The following USP12 variants were observed in gnomAD, a reference collection of about 807,000 sequenced individuals.
USP12 encodes ubiquitin carboxyl-terminal hydrolase 12.
Under a neutral mutation model 45.5 loss-of-function variants are expected in USP12, and 19 were observed. The observed-to-expected ratio is 0.42, with a 90% confidence interval of 0.29 to 0.61. USP12 has a LOEUF of 0.61. USP12 is among the 20% of genes least tolerant of loss of function. The pLI, the probability that USP12 is intolerant of heterozygous loss-of-function variation, is 0.22. For synonymous variants in USP12, 149 were observed against 148.8 expected (o/e 1.00, Z -0.01); for missense variants, 242 against 447.7 (o/e 0.54, Z 4.15).
chr13:27,157,402 T>A (rs894028419), intron 1 of USP12, among the ~76,000 whole-genome samples: 6 of 152,218 alleles, frequency 3.9e-5, no homozygotes, highest in African/African-American at 1.2e-4. Flanking sequence ...AAAAAGTGGA[T>A]GTTCTAGGTA....
At chr13:27,098,879 A>G (rs904845387) in intron 3 of USP12, among the ~76,000 whole-genome samples, 1 of 152,220 alleles carries the variant, frequency 6.6e-6, no homozygotes, top group Admixed American at 6.5e-5. Context: ...TTAACATGGC[A>G]AAACTTCCAA....
intron 1 of USP12, among the ~76,000 whole-genome samples, chr13:27,136,430 G>A (rs1177047239): frequency 2.0e-5 from 3 of 152,218 alleles, no homozygotes; most frequent in East Asian, 3.9e-4. Context: ...CCGGGGAGGC[G>A]GAGGTTGCAG....
At chr13:27,106,455 G>C (rs1168133930) in intron 2 of USP12, among the ~76,000 whole-genome samples, 1 of 152,108 alleles carries the variant, frequency 6.6e-6, no homozygotes, top group Non-Finnish European at 1.5e-5. Flanking sequence ...ATGACACACA[G>C]TTTCATAAAT....
chr13:27,162,895 G>A (rs561486761), intron 1 of USP12: 2 of 152,002 alleles, frequency 1.3e-5, no homozygotes, highest in Non-Finnish European at 2.9e-5. Context: ...CTGCTGCTAC[G>A]GAAGCAAGAA....
In USP12 at chr13:27,129,543, G is replaced by C. The variant is rs916929864; in HGVS notation, c.49-12947C>G. 6.6e-6 allele frequency among the ~76,000 whole-genome samples: 1 copy of C among 152,132 alleles called. No homozygotes were observed. The highest frequency in any genetic ancestry group is 1.5e-5 in the Non-Finnish European group (1 of 68,038). Reference sequence around the variant, plus strand: ...GTTCTAGAGAAGGCTGGGCAACATAGCAAGACTCTGTCTCTACAGAGGATG... The same window carrying C: ...GTTCTAGAGAAGGCTGGGCAACATACCAAGACTCTGTCTCTACAGAGGATG... On this transcript the variant is annotated intron_variant, in intron 1 of 8. Coordinates refer to ENST00000282344, the MANE Select transcript of USP12 (RefSeq NM_182488.4). The surrounding 1 kb of genome is among the most constrained non-coding windows in gnomAD (Gnocchi z 4.0).
chr13:27,132,597 T>C (rs939213090), intron 1 of USP12, among the ~76,000 whole-genome samples: 1 of 152,152 alleles, frequency 6.6e-6, no homozygotes, highest in Admixed American at 6.6e-5. Flanking sequence ...AGATGGTTAG[T>C]GTAAGTATCT....
rs140153708 is a variant in USP12, at chr13:27,090,855, C to T, written c.574-697G>A. ...TAATACATCAAAATTATTATTAGCA[C>T]ATAGAGTTGTTCATCGAACAACTCA... On this transcript the variant is annotated intron_variant, in intron 4 of 8. Coordinates refer to ENST00000282344, the MANE Select transcript of USP12 (RefSeq NM_182488.4). 3.9e-4 allele frequency among the ~76,000 whole-genome samples: 59 copies of T among 152,288 alleles called. 1 individual carries two copies. In the East Asian group the frequency reaches 4.6e-3, roughly 12 times the overall value.
At position 27,106,577 on chromosome 13, in the gene USP12, A is replaced by T. The variant is rs1487533122; in HGVS notation, c.130-633T>A. ...GAGCACTATGAAACTATAAAAAAGGAATGAGGATAATTCTCATATTTCTAC... is the reference window on the plus strand; with the variant it reads ...GAGCACTATGAAACTATAAAAAAGGTATGAGGATAATTCTCATATTTCTAC... On this transcript the variant is annotated intron_variant, in intron 2 of 8. Coordinates refer to ENST00000282344, the MANE Select transcript of USP12 (RefSeq NM_182488.4). Among the ~76,000 whole-genome samples, 5 of 152,316 alleles carry T rather than the reference A, an allele frequency of 3.3e-5. No individual in the cohort carries two copies. In the East Asian group the frequency reaches 9.6e-4, roughly 29 times the overall value.
At chr13:27,104,617 A>G (rs1485921269) in intron 3 of USP12, among the ~76,000 whole-genome samples, 1 of 152,224 alleles carries the variant, frequency 6.6e-6, no homozygotes, top group African/African-American at 2.4e-5. Context: ...ATTATTCTAC[A>G]TGTGTATGTG....
At chr13:27,119,161 T>C (rs985524008) in intron 1 of USP12, among the ~76,000 whole-genome samples, 5 of 152,168 alleles carry the variant, frequency 3.3e-5, no homozygotes, top group Non-Finnish European at 5.9e-5. Flanking sequence ...GAAAATAAAC[T>C]AGTCACAGTA....
intron 1 of USP12, among the ~76,000 whole-genome samples, chr13:27,119,257 A>T (rs1875875876): frequency 6.6e-6 from 1 of 152,246 alleles, no homozygotes; most frequent in Non-Finnish European, 1.5e-5. Context: ...ATACAAAAAA[A>T]TAGATACTCT....
At chr13:27,166,565 T>C (rs148259751) in intron 1 of USP12, among the ~76,000 whole-genome samples, 1 of 152,350 alleles carries the variant, frequency 6.6e-6, no homozygotes, top group African/African-American at 2.4e-5. Context: ...TGAGACCTAT[T>C]AGCCACTTAT....
chr13:27,120,520 C>A (rs2137800897), intron 1 of USP12, among the ~76,000 whole-genome samples: 1 of 151,634 alleles, frequency 6.6e-6, no homozygotes, highest in South Asian at 2.1e-4. Context: ...CAGGGGTGGT[C>A]GTGGGCGCCT....
chr13:27,089,863 C>A lies in USP12; in HGVS notation c.734+20G>T. ...ACAAAAAATAAAATCACTTAAAAAT[C>A]CATAAAGCTCTAAAATTACCGTTTG... On this transcript the variant is annotated intron_variant, in intron 6 of 8. Coordinates refer to ENST00000282344, the MANE Select transcript of USP12 (RefSeq NM_182488.4). 1 of 1,605,184 alleles carries A rather than the reference C, an allele frequency of 6.2e-7. No homozygotes were observed. The highest frequency in any genetic ancestry group is 8.5e-7 in the Non-Finnish European group (1 of 1,176,612).
At chr13:27,071,854 A>C (rs1039490893) in intron 7 of USP12, among the ~76,000 whole-genome samples, 9 of 152,212 alleles carry the variant, frequency 5.9e-5, no homozygotes, top group Admixed American at 5.9e-4. Flanking sequence ...CAAAGGTTTT[A>C]ACCTCTTCCA....
Position 27,123,182 on chromosome 13 carries a change from G to A in USP12, c.49-6586C>T, listed in dbSNP as rs368906345. On this transcript the variant is annotated intron_variant, in intron 1 of 8. Transcript: ENST00000282344. ...GTAGAGAGACCATGGTATACTACAA[G>A]TATCATTGAACTAGCAAAGCTACAG... 5.3e-4 allele frequency among the ~76,000 whole-genome samples: 81 copies of A among 152,234 alleles called. No individual in the cohort carries two copies. In the South Asian group the frequency reaches 0.016, roughly 29 times the overall value.
rs1164237468 is a variant in USP12 at position 27,066,364 on chromosome 13, G to A, written c.*2919C>T. 1 of 152,266 alleles carries A rather than the reference G, an allele frequency of 6.6e-6. No individual in the cohort carries two copies. Among genetic ancestry groups the A allele is most frequent in the African/African-American group, 2.4e-5 (1 of 41,446 alleles). The allele number at this position is 152,266 out of a possible 1,614,324, so 9.4% of individuals were successfully genotyped here. A position where few individuals can be genotyped will look rare whatever the true frequency, so the allele number is the denominator to read the frequency against. ...GTCACACAGTTAAATTCACTGAAGA[G>A]CCAGGACATGAGCGCTTTAGCCTCC... On this transcript the variant is annotated 3_prime_UTR_variant, in exon 9 of 9. Transcript: ENST00000282344.
chr13:27,158,605 T>G (rs920120109), intron 1 of USP12, among the ~76,000 whole-genome samples: 1 of 152,214 alleles, frequency 6.6e-6, no homozygotes, highest in Non-Finnish European at 1.5e-5. Flanking sequence ...CTGTACTGGA[T>G]CCTGTAGGTA....
At chr13:27,147,213 G>A (rs759005839) in intron 1 of USP12, among the ~76,000 whole-genome samples, 11 of 152,268 alleles carry the variant, frequency 7.2e-5, no homozygotes, top group Admixed American at 2.6e-4. Flanking sequence ...CACCCTCAGA[G>A]CCACTGCCTT....
Sources: allele counts gnomAD v4.1 joint callset (sites outside exome capture counted in the v4.1 genomes callset), GRCh38; gene constraint gnomAD v4.1.1; non-coding constraint Gnocchi (gnomAD v3.1); transcripts MANE v1.5; gene names NCBI Gene and HGNC (gene_info 2026-07-23, HGNC 2026-07-21).